CNTNAP5: variants seen among roughly 807,000 people sequenced by gnomAD.
The protein encoded by CNTNAP5 is contactin-associated protein-like 5.
A neutral mutation model predicts 150.2 loss-of-function variants in CNTNAP5; 72 were observed. That is an observed-to-expected ratio of 0.48 (90% confidence interval 0.40 to 0.58). The LOEUF (loss-of-function observed/expected upper bound fraction) is 0.58. Among genes scored for constraint, CNTNAP5 ranks in the 20% least tolerant of loss-of-function variants. CNTNAP5 has a pLI of 0.00. For synonymous variants in CNTNAP5, 672 were observed against 619.8 expected (o/e 1.08, Z -1.25); for missense variants, 1,636 against 1,626.2 (o/e 1.01, Z -0.10).
At position 124,370,975 on chromosome 2, in the gene CNTNAP5, C is replaced by CAA. The variant is rs376644308; in HGVS notation, c.382-46461_382-46460dup. Among the ~76,000 whole-genome samples, 782 of 151,724 alleles carry CAA rather than the reference C, an allele frequency of 5.2e-3. 12 individuals are homozygous for CAA. The highest frequency in any genetic ancestry group is 0.018 in the African/African-American group (753 of 41,402). ...ATAGTCATGCAGAAATATTACACAGCAAAAAAAATGATCTGATTGTAATAA... is the reference window on the plus strand; with the variant it reads ...ATAGTCATGCAGAAATATTACACAGCAAAAAAAAAATGATCTGATTGTAATAA... On this transcript the variant is annotated intron_variant, in intron 3 of 23. Transcript: ENST00000682447.
intron 13 of CNTNAP5, among the ~76,000 whole-genome samples, chr2:124,660,644 G>GT (rs34191470): frequency 0.3 from 46,170 of 151,966 alleles, 7,768 homozygotes; most frequent in Non-Finnish European, 0.38. Context: ...AATTGGGTGC[G>GT]TTTTTTGCAT....
chr2:124,161,694 T>C (rs143423558), intron 1 of CNTNAP5, among the ~76,000 whole-genome samples: 4 of 152,246 alleles, frequency 2.6e-5, no homozygotes, highest in African/African-American at 9.6e-5. Flanking sequence ...CTGTGCTCAT[T>C]GCAAATGCAG....
intron 1 of CNTNAP5, among the ~76,000 whole-genome samples, chr2:124,150,322 G>A (rs987639552): frequency 2.6e-5 from 4 of 152,112 alleles, no homozygotes; most frequent in Admixed American, 2.0e-4. Flanking sequence ...TCTGTTTATC[G>A]ATTTTGTGCA....
intron 1 of CNTNAP5, among the ~76,000 whole-genome samples, chr2:124,161,179 G>A (rs994876380): frequency 6.6e-5 from 10 of 152,038 alleles, no homozygotes; most frequent in Non-Finnish European, 1.0e-4. Context: ...TAACAACCCC[G>A]AAAAGTAGAT....
intron 8 of CNTNAP5, among the ~76,000 whole-genome samples, chr2:124,519,570 G>A (rs1374454027): frequency 6.6e-6 from 1 of 152,188 alleles, no homozygotes; most frequent in Non-Finnish European, 1.5e-5. Context: ...GGGGCCCTGT[G>A]CAGCCTCTCC....
At chr2:124,760,426 G>C (rs1374712339) in intron 14 of CNTNAP5, among the ~76,000 whole-genome samples, 1 of 152,044 alleles carries the variant, frequency 6.6e-6, no homozygotes, top group Non-Finnish European at 1.5e-5. Context: ...ATGAATGGCA[G>C]TCTGTGACAT....
intron 13 of CNTNAP5, among the ~76,000 whole-genome samples, chr2:124,680,534 C>T (rs1330370042): frequency 6.6e-6 from 1 of 151,828 alleles, no homozygotes; most frequent in African/African-American, 2.4e-5. Context: ...ACTTTGGTTT[C>T]TCTAGGCCAG....
intron 1 of CNTNAP5, among the ~76,000 whole-genome samples, chr2:124,192,821 G>T (rs1685490764): frequency 6.6e-6 from 1 of 152,072 alleles, no homozygotes; most frequent in Admixed American, 6.6e-5. Flanking sequence ...TCCTGGTCTT[G>T]CTGTATTTTT....
intron 11 of CNTNAP5, among the ~76,000 whole-genome samples, chr2:124,570,747 C>T (rs1696133829): frequency 6.6e-6 from 1 of 152,084 alleles, no homozygotes; most frequent in South Asian, 2.1e-4. Context: ...AGCTAGAAAG[C>T]AGGGACCTGA....
At chr2:124,666,883 G>C (rs1471018990) in intron 13 of CNTNAP5, among the ~76,000 whole-genome samples, 1 of 152,068 alleles carries the variant, frequency 6.6e-6, no homozygotes, top group Non-Finnish European at 1.5e-5. Flanking sequence ...TTTTGTGCTT[G>C]AAATTGCTGT....
intron 1 of CNTNAP5, among the ~76,000 whole-genome samples, chr2:124,165,194 C>T (rs941739809): frequency 6.6e-6 from 1 of 152,166 alleles, no homozygotes; most frequent in African/African-American, 2.4e-5. Context: ...GTCAAAGCCA[C>T]AGTCTTTTGA....
intron 8 of CNTNAP5, among the ~76,000 whole-genome samples, chr2:124,523,255 A>T (rs1239247119): frequency 6.6e-6 from 1 of 152,218 alleles, no homozygotes; most frequent in African/African-American, 2.4e-5. Flanking sequence ...AAGTACAAAC[A>T]TTGTCCTCTT....
chr2:124,172,166 C>A (rs1684949713), intron 1 of CNTNAP5, among the ~76,000 whole-genome samples: 1 of 151,900 alleles, frequency 6.6e-6, no homozygotes, highest in Non-Finnish European at 1.5e-5. Context: ...CTTGAGAGTA[C>A]CAAGAAATAT....
chr2:124,398,592 G>C (rs1276073735), intron 3 of CNTNAP5, among the ~76,000 whole-genome samples: 1 of 151,960 alleles, frequency 6.6e-6, no homozygotes, highest in East Asian at 1.9e-4. Flanking sequence ...TGCCTCCCAG[G>C]TTCAAGCGAT....
intron 3 of CNTNAP5, among the ~76,000 whole-genome samples, chr2:124,314,606 AGTTT>A (rs1476759221): frequency 1.3e-5 from 2 of 152,156 alleles, no homozygotes; most frequent in East Asian, 1.9e-4. Flanking sequence ...AATATTTATG[AGTTT>A]GTTTGTTTTC....
chr2:124,266,242 T>C (rs1687604086), intron 3 of CNTNAP5, among the ~76,000 whole-genome samples: 1 of 152,202 alleles, frequency 6.6e-6, no homozygotes, highest in Non-Finnish European at 1.5e-5. Flanking sequence ...TCTTGCACTA[T>C]GATATCCCAG....
Position 124,711,373 on chromosome 2 carries a change from C to T in CNTNAP5, c.2078-35856C>T, listed in dbSNP as rs182411852. On this transcript the variant is annotated intron_variant, in intron 13 of 23. Coordinates refer to ENST00000682447, the MANE Select transcript of CNTNAP5 (RefSeq NM_001367498.1). ...ACACACACTGTTCCATCTCTCCATG[C>T]CCCCAACATCCAACTAGTCACTGAC... Among the ~76,000 whole-genome samples, 334 of 152,216 alleles carry T rather than the reference C, an allele frequency of 2.2e-3. 1 individual carries two copies. The highest frequency in any genetic ancestry group is 4.0e-3 in the Non-Finnish European group (274 of 68,006).
At chr2:124,198,400 G>A (rs1472636188) in intron 1 of CNTNAP5, among the ~76,000 whole-genome samples, 2 of 151,982 alleles carry the variant, frequency 1.3e-5, no homozygotes, top group East Asian at 1.9e-4. Flanking sequence ...ATACAGAAGC[G>A]CTTAGTTTTT....
chr2:124,294,337 A>G (rs945585801), intron 3 of CNTNAP5, among the ~76,000 whole-genome samples: 3 of 152,240 alleles, frequency 2.0e-5, no homozygotes, highest in Non-Finnish European at 2.9e-5. Context: ...GAGAAGTATT[A>G]TAAAATAAGT....
Sources: gnomAD v4.1 joint callset for allele counts (sites outside exome capture counted in the v4.1 genomes callset) on GRCh38, gnomAD v4.1.1 for gene constraint, MANE v1.5 for transcripts, NCBI Gene and HGNC (gene_info 2026-07-23, HGNC 2026-07-21) for gene names.